The following MOCOS variants were observed in gnomAD, a reference collection of about 807,000 sequenced individuals.
MOCOS encodes the protein human molybdenum cofactor sulfurase.
In MOCOS, 86 loss-of-function variants were observed where a neutral mutation model predicts 83.6. The ratio of observed to expected loss-of-function variants is 1.03; its 90% CI spans 0.86 to 1.23. The LOEUF is 1.23. Among genes scored for constraint, MOCOS ranks in the 50% most tolerant of loss-of-function variants. MOCOS has a pLI of 0.00. For missense variants in MOCOS, 1,120 were observed against 1,126.9 expected, an observed-to-expected ratio of 0.99 and a Z score of 0.09; for synonymous variants, 445 against 434.7, an observed-to-expected ratio of 1.02 and a Z score of -0.29.
chr18:36,259,799 C>T (rs574039785), intron 12 of MOCOS, among the ~76,000 whole-genome samples: 24 of 152,296 alleles, frequency 1.6e-4, no homozygotes, highest in African/African-American at 5.8e-4. Context: ...TTGCCTGGCT[C>T]TTGTGGGACT....
intron 10 of MOCOS, among the ~76,000 whole-genome samples, chr18:36,249,827 C>T (rs954073588): frequency 3.3e-5 from 5 of 152,124 alleles, no homozygotes; most frequent in African/African-American, 1.2e-4. Context: ...ATCAAGACAT[C>T]TCTCAGGTTT....
In MOCOS at chr18:36,239,168, C is replaced by T. The variant is rs191961917; in HGVS notation, c.1961-9754C>T. Among the ~76,000 whole-genome samples, 1,298 of 152,032 alleles carry T rather than the reference C, an allele frequency of 8.5e-3. 13 individuals carry two copies. The highest frequency in any genetic ancestry group is 0.03 in the African/African-American group (1,232 of 41,434). ...TAATAGTGTTATGTGTGAATTTGAT[C>T]CTGTCATTATGATGTTAGCTGGTGA... On this transcript the variant is annotated intron_variant, in intron 9 of 14. Coordinates refer to ENST00000261326, the MANE Select transcript of MOCOS (RefSeq NM_017947.4).
Position 36,250,937 on chromosome 18 carries a change from A to G in MOCOS, c.2040-222A>G, listed in dbSNP as rs554706020. On this transcript the variant is annotated intron_variant, in intron 10 of 14. Coordinates refer to ENST00000261326, the MANE Select transcript of MOCOS (RefSeq NM_017947.4). ...TAGTAAAAAGGTCTTTCCAGGAGAA[A>G]TGTTGAAGCTTTTTATTTGGTCTGA... 6.6e-5 allele frequency among the ~76,000 whole-genome samples: 10 copies of G among 152,312 alleles called. 1 individual carries two copies. The South Asian group carries it at 1.0e-3, about 16-fold the overall frequency.
intron 6 of MOCOS, among the ~76,000 whole-genome samples, chr18:36,212,917 A>G (rs2091460494): frequency 6.6e-6 from 1 of 152,192 alleles, no homozygotes; most frequent in Non-Finnish European, 1.5e-5. Flanking sequence ...ACTGGAGCAA[A>G]CATCCCAGGG....
At chr18:36,243,488 A>T (rs929133772) in intron 9 of MOCOS, among the ~76,000 whole-genome samples, 3 of 152,144 alleles carry the variant, frequency 2.0e-5, no homozygotes, top group African/African-American at 7.2e-5. Flanking sequence ...TCTTATCTTT[A>T]TGATATGCTG....
chr18:36,232,456 C>T (rs900658702), intron 9 of MOCOS, among the ~76,000 whole-genome samples: 3 of 152,108 alleles, frequency 2.0e-5, no homozygotes, highest in African/African-American at 7.2e-5. Flanking sequence ...ATAGCATATT[C>T]ATCACCTCAA....
chr18:36,187,534 G>A lies in MOCOS; in HGVS notation c.-6G>A, dbSNP rs1007711944. ...CCCGGCCGGCCTGGATGGACTAGCC[G>A]GGGCCATGGCCGGCGCGGCGGCGGA... On this transcript the variant is annotated 5_prime_UTR_variant, in exon 1 of 15. Transcript: ENST00000261326. 4.9e-6 allele frequency: 6 copies of A among 1,234,766 alleles called. No homozygotes were observed. Among genetic ancestry groups the A allele is most frequent in the East Asian group, 3.2e-5 (1 of 31,720 alleles). The allele number at this position is 1,234,766 out of a possible 1,614,324, so 76.5% of individuals were successfully genotyped here.
At chr18:36,221,945 G>A (rs1187393515) in intron 9 of MOCOS, among the ~76,000 whole-genome samples, 18 of 151,956 alleles carry the variant, frequency 1.2e-4, no homozygotes, top group Admixed American at 7.9e-4. Context: ...GGCTGGTCTC[G>A]AACTCCCGAC....
rs539245910 is a variant in MOCOS, at chr18:36,208,775, G to A, written c.1218+3499G>A. ...TGACTTCTTCTCTTCCTATTTGGATGTCTTTTATTTGTTTCTCTTGCCTAA... is the reference window on the plus strand; with the variant it reads ...TGACTTCTTCTCTTCCTATTTGGATATCTTTTATTTGTTTCTCTTGCCTAA... On this transcript the variant is annotated intron_variant, in intron 6 of 14. Coordinates refer to ENST00000261326, the MANE Select transcript of MOCOS (RefSeq NM_017947.4). Among the ~76,000 whole-genome samples, 8 of 152,288 alleles carry A rather than the reference G, an allele frequency of 5.3e-5. No individual in the cohort carries two copies. In the South Asian group the frequency reaches 6.2e-4, roughly 12 times the overall value.
Position 36,215,698 on chromosome 18 carries a change from G to A in MOCOS, c.1518G>A (p.Gly506=). The A allele has an allele frequency of 6.2e-7, 1 of 1,614,172 alleles. No homozygotes were observed. Among genetic ancestry groups the A allele is most frequent in the Non-Finnish European group, 8.5e-7 (1 of 1,180,034 alleles). ...WPVPQAHADT[G]ETGAPSADSQ... ...TCCCTCAGGCCCATGCTGACACCGGGGAGACTGGAGCCCCATCAGCAGACA... is the reference window on the plus strand; with the variant it reads ...TCCCTCAGGCCCATGCTGACACCGGAGAGACTGGAGCCCCATCAGCAGACA... Residue 506 remains glycine, a synonymous_variant, in exon 8 of 15, where the codon GGG becomes GGA. Transcript: ENST00000261326.
intron 2 of MOCOS, among the ~76,000 whole-genome samples, chr18:36,195,809 TAAGTG>T (rs2091385161): frequency 1.3e-5 from 2 of 152,186 alleles, no homozygotes; most frequent in Admixed American, 1.3e-4. Context: ...GACAAGACCT[TAAGTG>T]AACTCCAAAT....
At chr18:36,213,022 G>T (rs1476011869) in intron 6 of MOCOS, among the ~76,000 whole-genome samples, 1 of 152,188 alleles carries the variant, frequency 6.6e-6, no homozygotes, top group African/African-American at 2.4e-5. Flanking sequence ...TGATTAAACC[G>T]AAAGTTGGAG....
At position 36,220,077 on chromosome 18, in the gene MOCOS, A is replaced by G. The variant is rs778283248; in HGVS notation, c.1820A>G (p.Asn607Ser). The G allele has an allele frequency of 4.3e-6, 7 of 1,613,206 alleles. No homozygotes were observed. Among genetic ancestry groups the G allele is most frequent in the Admixed American group, 1.7e-5 (1 of 59,990 alleles). The change falls in exon 9 of 15, where the codon AAC becomes AGC. Residue 607 changes from asparagine to serine, a missense_variant. Physicochemically the swap from Asn to Ser is conservative, Grantham distance 46 (BLOSUM62 1). Transcript: ENST00000261326. ...TAGGTGACCAGGTGGCCTGTAGGAAACCAAGGGCTGCTATATGACCGGAGC... is the reference window on the plus strand; with the variant it reads ...TAGGTGACCAGGTGGCCTGTAGGAAGCCAAGGGCTGCTATATGACCGGAGC... ...AFEVTRWPVG[N>S]QGLLYDRSWM...
chr18:36,233,825 T>C (rs1452362202), intron 9 of MOCOS, among the ~76,000 whole-genome samples: 1 of 152,196 alleles, frequency 6.6e-6, no homozygotes, highest in East Asian at 1.9e-4. Flanking sequence ...TGGCCATTTG[T>C]ATATCTTCTT....
In MOCOS at chr18:36,200,340, G is replaced by C. The variant is rs373865721; in HGVS notation, c.941+16G>C. 52 of 1,613,614 alleles carry C rather than the reference G, an allele frequency of 3.2e-5. No individual in the cohort carries two copies. In the African/African-American group the frequency reaches 5.6e-4, roughly 17 times the overall value. ...TAGCTCAGAGGTAACCTTGCCACAG[G>C]GGAGGGGTCAGAGGAGTTCAGCAAG... On this transcript the variant is annotated intron_variant, in intron 4 of 14. Transcript: ENST00000261326.
At chr18:36,210,676 C>T (rs1263828199) in intron 6 of MOCOS, among the ~76,000 whole-genome samples, 1 of 151,314 alleles carries the variant, frequency 6.6e-6, no homozygotes, top group African/African-American at 2.4e-5. Context: ...CATGGCGAAA[C>T]CCTGTCTCTA....
intron 9 of MOCOS, among the ~76,000 whole-genome samples, chr18:36,244,944 C>A (rs1266348081): frequency 6.6e-6 from 1 of 152,110 alleles, no homozygotes; most frequent in South Asian, 2.1e-4. Flanking sequence ...AGAATAGCTA[C>A]TCCTGCTCAC....
At chr18:36,259,302 G>A (rs1423561795) in intron 12 of MOCOS, among the ~76,000 whole-genome samples, 1 of 151,820 alleles carries the variant, frequency 6.6e-6, no homozygotes, top group Non-Finnish European at 1.5e-5. Context: ...TAAGTTAGCT[G>A]GGCATGGTGG....
At chr18:36,250,946 C>T (rs1461865543) in intron 10 of MOCOS, among the ~76,000 whole-genome samples, 1 of 152,160 alleles carries the variant, frequency 6.6e-6, no homozygotes, top group Non-Finnish European at 1.5e-5. Context: ...AATGTTGAAG[C>T]TTTTTATTTG....
Sources: allele counts gnomAD v4.1 joint callset (sites outside exome capture counted in the v4.1 genomes callset), GRCh38; gene constraint gnomAD v4.1.1; transcripts MANE v1.5; gene names NCBI Gene and HGNC (gene_info 2026-07-23, HGNC 2026-07-21).